SEMA3D: variants seen among roughly 807,000 people sequenced by gnomAD.
The protein encoded by SEMA3D is semaphorin-3D.
Under a neutral mutation model 100.1 loss-of-function variants are expected in SEMA3D, and 84 were observed. The observed-to-expected ratio is 0.84, with a 90% confidence interval of 0.70 to 1.01. The LOEUF (loss-of-function observed/expected upper bound fraction) is 1.01, where lower values mean the gene tolerates loss of function less well. SEMA3D is among the 50% of genes least tolerant of loss of function. The pLI, the probability that SEMA3D is intolerant of heterozygous loss-of-function variation, is 0.00. For synonymous variants in SEMA3D, 312 were observed against 320.7 expected (o/e 0.97, Z 0.29); for missense variants, 875 against 934.1 (o/e 0.94, Z 0.82).
At chr7:85,134,884 A>T (rs1411462534) in intron 2 of SEMA3D, among the ~76,000 whole-genome samples, 3 of 152,014 alleles carry the variant, frequency 2.0e-5, no homozygotes, top group Admixed American at 6.6e-5. Context: ...TGGGGACTAA[A>T]CTAGAAAGAA....
chr7:85,215,620 C>T, the SEMA3D span, among the ~76,000 whole-genome samples: 1 of 151,818 alleles, frequency 6.6e-6, no homozygotes, highest in South Asian at 2.1e-4. Flanking sequence ...CATTAAAGGC[C>T]CTAAGTTTTT....
chr7:85,185,377 C>T (rs528695785), intron 1 of SEMA3D, among the ~76,000 whole-genome samples: 8 of 152,152 alleles, frequency 5.3e-5, no homozygotes, highest in African/African-American at 1.9e-4. Flanking sequence ...CGCACACATG[C>T]AGGAGAACCC....
chr7:85,099,886 T>G (rs2070706217), intron 3 of SEMA3D, among the ~76,000 whole-genome samples: 1 of 152,032 alleles, frequency 6.6e-6, no homozygotes, highest in South Asian at 2.1e-4. Context: ...GTTAGTTTTC[T>G]TATCATTGAA....
intron 1 of SEMA3D, among the ~76,000 whole-genome samples, chr7:85,180,396 C>G (rs748605002): frequency 2.1e-4 from 32 of 152,162 alleles, no homozygotes; most frequent in Non-Finnish European, 4.6e-4. Context: ...AAACCTCTTT[C>G]CTTTATAAAT....
At chr7:85,193,490 G>A in the SEMA3D span, among the ~76,000 whole-genome samples, 18 of 152,132 alleles carry the variant, frequency 1.2e-4, no homozygotes, top group African/African-American at 4.3e-4. Flanking sequence ...ACCTTCAGCA[G>A]AAACTATATG....
intron 8 of SEMA3D, among the ~76,000 whole-genome samples, chr7:85,058,766 A>AT (rs1189918971): frequency 2.6e-5 from 4 of 151,514 alleles, no homozygotes; most frequent in South Asian, 4.2e-4. Flanking sequence ...AAAAAAAAAA[A>AT]AGCAACTCTT....
At chr7:85,237,176 C>T in the SEMA3D span, among the ~76,000 whole-genome samples, 2 of 152,282 alleles carry the variant, frequency 1.3e-5, no homozygotes, top group South Asian at 2.1e-4. Context: ...TTCAGCAGAA[C>T]ATACAGTTAG....
intron 4 of SEMA3D, among the ~76,000 whole-genome samples, chr7:85,082,051 T>C (rs1479084404): frequency 1.3e-5 from 2 of 152,234 alleles, no homozygotes; most frequent in Non-Finnish European, 2.9e-5. Flanking sequence ...ATATTTAACA[T>C]GCTTGGAGCT....
At chr7:85,069,903 A>G (rs1791725833) in intron 6 of SEMA3D, among the ~76,000 whole-genome samples, 1 of 152,196 alleles carries the variant, frequency 6.6e-6, no homozygotes, top group South Asian at 2.1e-4. Context: ...AAATATACAT[A>G]TTGTGTACAT....
At chr7:85,039,143 TAACA>T (rs1372732986) in intron 11 of SEMA3D, among the ~76,000 whole-genome samples, 2 of 152,158 alleles carry the variant, frequency 1.3e-5, no homozygotes, top group Admixed American at 1.3e-4. Flanking sequence ...ATATAGGCTG[TAACA>T]GGGAACAGGA....
chr7:85,112,635 A>G (rs774813789), intron 3 of SEMA3D, among the ~76,000 whole-genome samples: 33 of 152,128 alleles, frequency 2.2e-4, no homozygotes, highest in Non-Finnish European at 4.1e-4. Flanking sequence ...CTTTTGGGCA[A>G]GAGATTCAGG....
chr7:85,143,796 A>C (rs1464537257), intron 2 of SEMA3D, among the ~76,000 whole-genome samples: 1 of 151,038 alleles, frequency 6.6e-6, no homozygotes, highest in Non-Finnish European at 1.5e-5. Context: ...GTCTTGGCTC[A>C]CTGCAATCTC....
At chr7:85,246,985 C>T in the SEMA3D span, among the ~76,000 whole-genome samples, 1 of 151,736 alleles carries the variant, frequency 6.6e-6, no homozygotes, top group African/African-American at 2.4e-5. Context: ...ACGTAAGTCG[C>T]TGAAAAATTT....
chr7:85,212,172 G>T, the SEMA3D span, among the ~76,000 whole-genome samples: 1 of 150,870 alleles, frequency 6.6e-6, no homozygotes, highest in African/African-American at 2.5e-5. Context: ...ATTTAGCAAG[G>T]CCTGTTTGTT....
rs1188663963 is a variant in SEMA3D, at chr7:85,065,486, A to G, written c.656T>C (p.Leu219Pro). 6.2e-7 allele frequency: 1 copy of G among 1,613,000 alleles called. No homozygotes were observed. ...LGKDTAFTRS[L>P]GPTHDHHYIR... ...GTAGTGGTGGTCATGAGTAGGCCCA[A>G]GGGATCGAGTGAATGCAGTATCTTT... is the stretch of plus-strand genomic sequence containing the variant. Residue 219 changes from leucine to proline, a missense_variant, in exon 8 of 19, where the codon CTT becomes CCT. Physicochemically the swap from Leu to Pro is moderately conservative, Grantham distance 98 (BLOSUM62 -3). Transcript: ENST00000284136.
intron 3 of SEMA3D, among the ~76,000 whole-genome samples, chr7:85,103,922 C>T (rs1054228477): frequency 7.9e-5 from 12 of 151,948 alleles, no homozygotes; most frequent in East Asian, 1.9e-4. Context: ...GAAATGGTTC[C>T]GAGGATCGAA....
upstream of SEMA3D, among the ~76,000 whole-genome samples, chr7:85,189,948 A>G (rs1791657020): frequency 6.6e-6 from 1 of 152,178 alleles, no homozygotes; most frequent in Non-Finnish European, 1.5e-5. Context: ...TCATCCATCT[A>G]TGTTGAGAGC....
At position 85,040,672 on chromosome 7, in the gene SEMA3D, C is replaced by A; in HGVS notation, c.1046+1G>T. Reference sequence around the variant, plus strand: ...CATTAAAAGCATTTTGTTGAACATACCTGGTTGTAGTAAAGACTCCATATA... The same window carrying A: ...CATTAAAAGCATTTTGTTGAACATAACTGGTTGTAGTAAAGACTCCATATA... On this transcript the variant is annotated splice_donor_variant, in intron 11 of 18. Transcript: ENST00000284136. LOFTEE classifies it high-confidence loss of function. 7.0e-7 allele frequency: 1 copy of A among 1,418,494 alleles called. No homozygotes were observed. The highest frequency in any genetic ancestry group is 9.9e-7 in the Non-Finnish European group (1 of 1,005,074). The allele number at this position is 1,418,494 out of a possible 1,614,324, so 87.9% of individuals were successfully genotyped here. A position where few individuals can be genotyped will look rare whatever the true frequency, so the allele number is the denominator to read the frequency against.
At chr7:85,016,250 CTTTT>C (rs59812080) in intron 15 of SEMA3D, among the ~76,000 whole-genome samples, 30 of 128,754 alleles carry the variant, frequency 2.3e-4, no homozygotes, top group African/African-American at 5.3e-4. Context: ...TTTGTGATTC[CTTTT>C]TTTTTTTTTT....
Sources: allele counts gnomAD v4.1 joint callset (sites outside exome capture counted in the v4.1 genomes callset), GRCh38; gene constraint gnomAD v4.1.1; transcripts MANE v1.5; gene names NCBI Gene and HGNC (gene_info 2026-07-23, HGNC 2026-07-21).